AP3S1: variants seen among roughly 807,000 people sequenced by gnomAD.
The protein encoded by AP3S1 is AP-3 complex subunit sigma-1.
Under a neutral mutation model 21.3 loss-of-function variants are expected in AP3S1, and 12 were observed. That is an observed-to-expected ratio of 0.56 (90% confidence interval 0.36 to 0.91). AP3S1 has a LOEUF of 0.91. AP3S1 is among the 40% of genes least tolerant of loss of function. AP3S1 has a pLI of 0.01. For synonymous variants in AP3S1, 48 were observed against 78.4 expected, an observed-to-expected ratio of 0.61 and a Z score of 2.05; for missense variants, 116 against 225.0, an observed-to-expected ratio of 0.52 and a Z score of 3.10.
chr5:115,861,194 T>A (rs898952722), intron 1 of AP3S1, among the ~76,000 whole-genome samples: 1 of 152,176 alleles, frequency 6.6e-6, no homozygotes, highest in Non-Finnish European at 1.5e-5. Flanking sequence ...TTCATAGAAG[T>A]CATAATGTTC....
At chr5:115,865,637 A>G (rs1300700190) in intron 1 of AP3S1, among the ~76,000 whole-genome samples, 5 of 152,162 alleles carry the variant, frequency 3.3e-5, no homozygotes, top group Admixed American at 3.3e-4. Context: ...TTTTGCTGAT[A>G]TGGTACATGT....
intron 2 of AP3S1, among the ~76,000 whole-genome samples, chr5:115,868,113 T>C (rs949055854): frequency 6.6e-6 from 1 of 152,216 alleles, no homozygotes; most frequent in Non-Finnish European, 1.5e-5. Flanking sequence ...TATTACATTC[T>C]GTACAGGAAT....
In AP3S1 at chr5:115,911,282, A is replaced by G. The variant is rs542754794; in HGVS notation, c.454-2080A>G. 6.8e-4 allele frequency among the ~76,000 whole-genome samples: 104 copies of G among 152,140 alleles called. 1 individual carries two copies. The South Asian group carries it at 0.021, about 31-fold the overall frequency. On this transcript the variant is annotated intron_variant, in intron 5 of 5. Transcript: ENST00000316788. ...ATGTACATTTAATACTGAAAACATT[A>G]TGTTTACTATTTATAAGTGTAAACC...
intron 1 of AP3S1, among the ~76,000 whole-genome samples, chr5:115,854,679 C>CT (rs3984983): frequency 0.024 from 3,468 of 144,064 alleles, 85 homozygotes; most frequent in African/African-American, 0.069. Flanking sequence ...TCAGATATCT[C>CT]TTTTTTTTTT....
chr5:115,847,323 T>C (rs1762135823), intron 1 of AP3S1, among the ~76,000 whole-genome samples: 1 of 152,158 alleles, frequency 6.6e-6, no homozygotes, highest in Admixed American at 6.5e-5. Context: ...TTTAAAAAAA[T>C]ATTTATTTTT....
At chr5:115,889,667 G>T (rs1040608913) in intron 3 of AP3S1, among the ~76,000 whole-genome samples, 2 of 152,130 alleles carry the variant, frequency 1.3e-5, no homozygotes, top group African/African-American at 4.8e-5. Flanking sequence ...AAAGACTGTA[G>T]CTAGACTATA....
At position 115,910,391 on chromosome 5, in the gene AP3S1, C is replaced by T. The variant is rs141059629; in HGVS notation, c.454-2971C>T. Among the ~76,000 whole-genome samples, 483 of 151,460 alleles carry T rather than the reference C, an allele frequency of 3.2e-3. 3 individuals carry two copies. Among genetic ancestry groups the T allele is most frequent in the Non-Finnish European group, 1.3e-3 (90 of 67,916 alleles). On this transcript the variant is annotated intron_variant, in intron 5 of 5. Coordinates refer to ENST00000316788, the MANE Select transcript of AP3S1 (RefSeq NM_001284.4). Reference sequence around the variant, plus strand: ...AATGAAACCATGGAAAGTGAAATTGCGGGTAAGGGGGGACTACTGTACTGC... The same window carrying T: ...AATGAAACCATGGAAAGTGAAATTGTGGGTAAGGGGGGACTACTGTACTGC...
intron 3 of AP3S1, among the ~76,000 whole-genome samples, chr5:115,887,936 G>T (rs1749942976): frequency 6.6e-6 from 1 of 152,140 alleles, no homozygotes; most frequent in East Asian, 1.9e-4. Flanking sequence ...GGGAAAGGAG[G>T]ACTCTTTATA....
intron 5 of AP3S1, among the ~76,000 whole-genome samples, chr5:115,911,541 T>C (rs1752111935): frequency 6.6e-6 from 1 of 152,070 alleles, no homozygotes; most frequent in South Asian, 2.1e-4. Context: ...ATCTAAAAAA[T>C]GATACTACCT....
intron 1 of AP3S1, among the ~76,000 whole-genome samples, chr5:115,863,132 G>A (rs923898732): frequency 3.3e-5 from 5 of 152,098 alleles, no homozygotes; most frequent in African/African-American, 9.7e-5. Context: ...GGGCGTGGTG[G>A]CTCCCATCTG....
chr5:115,870,356 A>G (rs1748119410), intron 3 of AP3S1, among the ~76,000 whole-genome samples: 1 of 152,178 alleles, frequency 6.6e-6, no homozygotes, highest in South Asian at 2.1e-4. Context: ...TGCTCATGTA[A>G]GTTACAGCAA....
chr5:115,859,138 A>G (rs1214189608), intron 1 of AP3S1, among the ~76,000 whole-genome samples: 1 of 152,122 alleles, frequency 6.6e-6, no homozygotes, highest in Non-Finnish European at 1.5e-5. Context: ...CTCTCAATCC[A>G]TGATTAGAGG....
chr5:115,870,704 T>C (rs1454567660), intron 3 of AP3S1, among the ~76,000 whole-genome samples: 2 of 152,318 alleles, frequency 1.3e-5, no homozygotes, highest in South Asian at 2.1e-4. Context: ...TTTTATCTTA[T>C]GTTATCAGAC....
intron 3 of AP3S1, among the ~76,000 whole-genome samples, chr5:115,873,072 C>A (rs1376648729): frequency 6.6e-6 from 1 of 151,994 alleles, no homozygotes; most frequent in South Asian, 2.1e-4. Flanking sequence ...TAAGAAAGAC[C>A]AAAACAAATG....
chr5:115,873,065 G>A (rs1748408800), intron 3 of AP3S1, among the ~76,000 whole-genome samples: 1 of 152,122 alleles, frequency 6.6e-6, no homozygotes, highest in Non-Finnish European at 1.5e-5. Context: ...TTGCTATTAA[G>A]AAAGACCAAA....
intron 5 of AP3S1, among the ~76,000 whole-genome samples, chr5:115,907,283 A>C (rs946080847): frequency 6.6e-6 from 1 of 152,184 alleles, no homozygotes; most frequent in Non-Finnish European, 1.5e-5. Flanking sequence ...GGATTCTAAC[A>C]TAAAATTGCC....
chr5:115,866,868 T>C, intron 2 of AP3S1, 107 bp downstream of exon 2: 1 of 547,196 alleles, frequency 1.8e-6, no homozygotes, highest in South Asian at 7.1e-5. Flanking sequence ...TTAATTGGAT[T>C]AGGTGAATTA....
At chr5:115,847,340 G>A (rs763176179) in intron 1 of AP3S1, among the ~76,000 whole-genome samples, 7 of 152,266 alleles carry the variant, frequency 4.6e-5, no homozygotes, top group South Asian at 2.1e-4. Flanking sequence ...TTTTATGGCC[G>A]GGTACAGTGG....
intron 3 of AP3S1, among the ~76,000 whole-genome samples, chr5:115,883,027 C>T (rs1399540142): frequency 6.6e-6 from 1 of 152,174 alleles, no homozygotes; most frequent in African/African-American, 2.4e-5. Context: ...ACTCAAGTCT[C>T]AATAATGGCA....
Sources: gnomAD v4.1 joint callset for allele counts (sites outside exome capture counted in the v4.1 genomes callset) on GRCh38, gnomAD v4.1.1 for gene constraint, MANE v1.5 for transcripts, NCBI Gene and HGNC (gene_info 2026-07-23, HGNC 2026-07-21) for gene names.